The following NCKAP5 variants were observed in gnomAD, a reference collection of about 807,000 sequenced individuals.
NCKAP5 encodes the protein NCK associated protein 5, also known as nck-associated protein 5.
In NCKAP5, 92 loss-of-function variants were observed where a neutral mutation model predicts 167.0. The observed-to-expected ratio is 0.55, with a 90% CI of 0.47 to 0.66. NCKAP5 has a LOEUF of 0.66. Among genes scored for constraint, NCKAP5 ranks in the 30% least tolerant of loss-of-function variants. NCKAP5 has a pLI of 0.00. For missense variants in NCKAP5, 2,378 were observed against 2,315.0 expected (o/e 1.03, Z -0.56); for synonymous variants, 891 against 877.4 (o/e 1.02, Z -0.27).
intron 17 of NCKAP5, among the ~76,000 whole-genome samples, chr2:132,731,133 A>G (rs1055798240): frequency 6.6e-6 from 1 of 152,220 alleles, no homozygotes; most frequent in Non-Finnish European, 1.5e-5. Context: ...CACATTTTTA[A>G]TCGTGAGGGA....
Position 132,784,988 on chromosome 2 carries a change from G to A in NCKAP5, c.1823C>T (p.Ala608Val). The A allele has an allele frequency of 1.2e-6, 2 of 1,613,776 alleles. No homozygotes were observed. The highest frequency in any genetic ancestry group is 1.7e-6 in the Non-Finnish European group (2 of 1,179,794). Reference sequence around the variant, plus strand: ...GTTCTCCACGGACTTATCGGTGTCGGCAGCCAATGACACGTCTGAAGGACT... The same window carrying A: ...GTTCTCCACGGACTTATCGGTGTCGACAGCCAATGACACGTCTGAAGGACT... ...EKSPSDVSLA[A>V]DTDKSVENLD... Residue 608 changes from alanine (A) to valine (V), a missense_variant, in exon 14 of 20, where the codon GCC becomes GTC. This residue lies in a region of NCKAP5 where 1,049 missense variants were observed against 1,023.4 expected (regional missense o/e 1.02). Coordinates refer to ENST00000409261, the MANE Select transcript of NCKAP5 (RefSeq NM_207363.3).
At chr2:133,184,644 T>C (rs4954039) in intron 5 of NCKAP5, among the ~76,000 whole-genome samples, 66,507 of 151,940 alleles carry the variant, frequency 0.44, 15,250 homozygotes, top group East Asian at 0.79. Flanking sequence ...TTTTGACTTT[T>C]AAATAGTAGC....
At chr2:132,779,002 C>T (rs1179924849) in intron 15 of NCKAP5, among the ~76,000 whole-genome samples, 1 of 152,170 alleles carries the variant, frequency 6.6e-6, no homozygotes, top group Non-Finnish European at 1.5e-5. Context: ...TGGTCAACTA[C>T]CCAGGTTAAT....
intron 1 of NCKAP5, among the ~76,000 whole-genome samples, chr2:133,566,670 A>T (rs1346527275): frequency 6.6e-6 from 1 of 152,228 alleles, no homozygotes; most frequent in East Asian, 1.9e-4. Flanking sequence ...GAATGAACAC[A>T]GGAAGCTCAG....
intron 8 of NCKAP5, among the ~76,000 whole-genome samples, chr2:132,887,758 C>T (rs530940189): frequency 5.9e-5 from 9 of 152,228 alleles, no homozygotes; most frequent in Non-Finnish European, 1.2e-4. Flanking sequence ...GTGATCCTCC[C>T]GCCTCAGCCT....
intron 4 of NCKAP5, chr2:133,267,388 A>C (rs2089294288): frequency 6.6e-6 from 1 of 152,244 alleles, no homozygotes; most frequent in South Asian, 2.1e-4. Flanking sequence ...GCTGACCCAG[A>C]GACTGGCACA....
At chr2:133,671,648 C>G in the NCKAP5 span, among the ~76,000 whole-genome samples, 1 of 152,062 alleles carries the variant, frequency 6.6e-6, no homozygotes, top group Non-Finnish European at 1.5e-5. Flanking sequence ...AGCCCCTCAA[C>G]CTTGGACTTC....
intron 16 of NCKAP5, among the ~76,000 whole-genome samples, chr2:132,739,450 G>C (rs1264994936): frequency 6.6e-6 from 1 of 152,132 alleles, no homozygotes; most frequent in African/African-American, 2.4e-5. Flanking sequence ...TTGGCTACCT[G>C]CTTGCTGTGG....
intron 6 of NCKAP5, among the ~76,000 whole-genome samples, chr2:133,104,984 C>T (rs2081634742): frequency 6.6e-6 from 1 of 152,202 alleles, no homozygotes; most frequent in Non-Finnish European, 1.5e-5. Flanking sequence ...CTGCCATGCG[C>T]CTGCTCACAC....
the NCKAP5 span, among the ~76,000 whole-genome samples, chr2:133,648,762 A>T: frequency 6.6e-6 from 1 of 152,004 alleles, no homozygotes; most frequent in Non-Finnish European, 1.5e-5. Context: ...ACTAAAAGGG[A>T]AGCTAATAAT....
rs560598997 is a variant in NCKAP5, at chr2:133,203,405, G to A, written c.207+10311C>T. On this transcript the variant is annotated intron_variant, in intron 5 of 19. Transcript: ENST00000409261. ...GGGCCTGTCATGGGGTGGGGGAAGC[G>A]GGGAGGAATAGCATTAGGAGATACA... Among the ~76,000 whole-genome samples, 11 of 152,176 alleles carry A rather than the reference G, an allele frequency of 7.2e-5. No individual in the cohort carries two copies. The East Asian group carries it at 1.4e-3, about 19-fold the overall frequency.
intron 15 of NCKAP5, among the ~76,000 whole-genome samples, chr2:132,779,330 C>T (rs1682821146): frequency 6.6e-6 from 1 of 152,134 alleles, no homozygotes; most frequent in Non-Finnish European, 1.5e-5. Flanking sequence ...ATACCCTAGG[C>T]TGTCAGGACC....
intron 6 of NCKAP5, among the ~76,000 whole-genome samples, chr2:132,995,586 G>A (rs926690614): frequency 3.9e-5 from 6 of 151,916 alleles, no homozygotes; most frequent in African/African-American, 1.4e-4. Context: ...GGAAGGCAGA[G>A]GTTGCAGTGA....
At chr2:133,092,570 G>T (rs2081220065) in intron 6 of NCKAP5, among the ~76,000 whole-genome samples, 1 of 151,394 alleles carries the variant, frequency 6.6e-6, no homozygotes. Context: ...ACAACATACA[G>T]CAAGTCCTAA....
At chr2:133,312,650 T>C (rs145643844) in intron 3 of NCKAP5, among the ~76,000 whole-genome samples, 61 of 152,326 alleles carry the variant, frequency 4.0e-4, no homozygotes, top group African/African-American at 1.4e-3. Flanking sequence ...GCTAAAGTGA[T>C]AGTTCTTAGA....
the NCKAP5 span, among the ~76,000 whole-genome samples, chr2:133,591,120 G>C: frequency 6.6e-6 from 1 of 152,156 alleles, no homozygotes; most frequent in Non-Finnish European, 1.5e-5. Context: ...AATTAAGCCA[G>C]GAACCAGTGA....
intron 3 of NCKAP5, among the ~76,000 whole-genome samples, chr2:133,386,600 C>T (rs984556470): frequency 6.6e-6 from 1 of 152,090 alleles, no homozygotes; most frequent in African/African-American, 2.4e-5. Context: ...TCTTGGATAT[C>T]CTTATTAACT....
intron 3 of NCKAP5, among the ~76,000 whole-genome samples, chr2:133,410,573 C>T (rs537546208): frequency 6.6e-6 from 1 of 152,270 alleles, no homozygotes; most frequent in Non-Finnish European, 1.5e-5. Flanking sequence ...TAAAACCTAC[C>T]TCCATTCCCA....
chr2:133,388,817 G>A (rs1186597547), intron 3 of NCKAP5, among the ~76,000 whole-genome samples: 1 of 152,216 alleles, frequency 6.6e-6, no homozygotes, highest in Non-Finnish European at 1.5e-5. Flanking sequence ...GGCTGCGTGG[G>A]CGTGGGACCC....
Sources: allele counts gnomAD v4.1 joint callset (sites outside exome capture counted in the v4.1 genomes callset), GRCh38; gene constraint gnomAD v4.1.1; regional missense constraint gnomAD v4.1.1; transcripts MANE v1.5; gene names NCBI Gene and HGNC (gene_info 2026-07-23, HGNC 2026-07-21).